The following RANBP17 variants were observed in gnomAD, a reference collection of about 807,000 sequenced individuals.
RANBP17 encodes the protein ran-binding protein 17.
In RANBP17, 158 loss-of-function variants were observed where a neutral mutation model predicts 141.2. The observed-to-expected ratio is 1.12, with a 90% CI of 0.98 to 1.28. The LOEUF is 1.28. RANBP17 is among the 50% of genes most tolerant of loss of function. The pLI is 0.00. For missense variants in RANBP17, 1,438 were observed against 1,290.7 expected (o/e 1.11, Z -1.75); for synonymous variants, 430 against 450.0 (o/e 0.96, Z 0.56).
intron 14 of RANBP17, among the ~76,000 whole-genome samples, chr5:171,083,789 C>G (rs1243908387): frequency 6.6e-6 from 1 of 152,004 alleles, no homozygotes; most frequent in Non-Finnish European, 1.5e-5. Context: ...AGTCTCACAA[C>G]ATCTGATGAT....
At chr5:171,056,485 A>G (rs777538058) in intron 14 of RANBP17, among the ~76,000 whole-genome samples, 17 of 152,222 alleles carry the variant, frequency 1.1e-4, no homozygotes, top group Non-Finnish European at 1.6e-4. Context: ...TACTGATAAC[A>G]TGCACTAAAT....
At chr5:171,196,355 T>C (rs2127948829) in intron 18 of RANBP17, among the ~76,000 whole-genome samples, 1 of 152,354 alleles carries the variant, frequency 6.6e-6, no homozygotes, top group East Asian at 1.9e-4. Context: ...TTGTTTGCCT[T>C]AAAATTTGAA....
chr5:170,889,920 G>A (rs1769459855), intron 3 of RANBP17, among the ~76,000 whole-genome samples: 1 of 152,138 alleles, frequency 6.6e-6, no homozygotes, highest in East Asian at 1.9e-4. Flanking sequence ...TATAGTTTGT[G>A]TAAAAAGCAT....
chr5:171,040,520 C>T (rs539342464), intron 14 of RANBP17, among the ~76,000 whole-genome samples: 1 of 152,046 alleles, frequency 6.6e-6, no homozygotes, highest in African/African-American at 2.4e-5. Flanking sequence ...AAGTCTTGTT[C>T]GTTTATTTAT....
At chr5:171,041,946 A>G (rs1782278070) in intron 14 of RANBP17, among the ~76,000 whole-genome samples, 1 of 151,748 alleles carries the variant, frequency 6.6e-6, no homozygotes, top group South Asian at 2.1e-4. Context: ...CCCTGTGTCC[A>G]TGTGTTCTCA....
chr5:171,151,992 CAAGAATGTG>C (rs1212658710), intron 14 of RANBP17, among the ~76,000 whole-genome samples: 5 of 151,942 alleles, frequency 3.3e-5, no homozygotes, highest in Admixed American at 3.3e-4. Context: ...AGTTTCAATT[CAAGAATGTG>C]AAGAATAGAA....
Position 170,960,081 on chromosome 5 carries a change from T to G in RANBP17, c.1574+6379T>G, listed in dbSNP as rs375437312. The stretch of plus-strand genomic sequence containing the variant: ...CTTTATTTTTCTTGATAGTACTTAT[T>G]ACCTCTTGATGTTGTTTGTTCTACT... On this transcript the variant is annotated intron_variant, in intron 13 of 27. Transcript: ENST00000523189. Among the ~76,000 whole-genome samples the G allele has an allele frequency of 4.1e-4, 62 of 152,372 alleles. 1 individual carries two copies. In the South Asian group the frequency reaches 0.012, roughly 31 times the overall value.
chr5:171,233,038 TTAAC>T (rs1417041171), intron 22 of RANBP17, among the ~76,000 whole-genome samples: 3 of 152,026 alleles, frequency 2.0e-5, no homozygotes, highest in Non-Finnish European at 4.4e-5. Context: ...AAAAAAGAAA[TTAAC>T]TAGTAATTAG....
rs900056357 is a variant in RANBP17 at position 171,050,565 on chromosome 5, G to A, written c.1710+82188G>A. 5.3e-5 allele frequency among the ~76,000 whole-genome samples: 8 copies of A among 152,100 alleles called. No individual in the cohort carries two copies. The South Asian group carries it at 1.7e-3, about 32-fold the overall frequency. ...CTACAAAAAATTCAAAAATTAGCTAGGCATTGTGACGTGTGCCTGTGGTCC... is the reference window on the plus strand; with the variant it reads ...CTACAAAAAATTCAAAAATTAGCTAAGCATTGTGACGTGTGCCTGTGGTCC... On this transcript the variant is annotated intron_variant, in intron 14 of 27. Coordinates refer to ENST00000523189, the MANE Select transcript of RANBP17 (RefSeq NM_022897.5).
chr5:171,081,109 C>T (rs910903316), intron 14 of RANBP17, among the ~76,000 whole-genome samples: 3 of 152,088 alleles, frequency 2.0e-5, no homozygotes, highest in Non-Finnish European at 4.4e-5. Flanking sequence ...TACTTAAAAC[C>T]CTAGTCCATC....
At chr5:170,914,118 G>C in intron 7 of RANBP17, 49 bp from the exon 8 acceptor site, 1 of 1,222,574 alleles carries the variant, frequency 8.2e-7, no homozygotes, top group Non-Finnish European at 1.2e-6. Context: ...ACTTTGTTAA[G>C]ATCACTGAAT....
At chr5:171,289,227 C>A (rs1422607181) in intron 25 of RANBP17, among the ~76,000 whole-genome samples, 2 of 152,200 alleles carry the variant, frequency 1.3e-5, no homozygotes, top group African/African-American at 4.8e-5. Flanking sequence ...TTGCAATCAT[C>A]ACCCTGTACT....
At chr5:171,275,408 TAC>T (rs1189893239) in intron 25 of RANBP17, among the ~76,000 whole-genome samples, 5 of 152,232 alleles carry the variant, frequency 3.3e-5, no homozygotes, top group Non-Finnish European at 5.9e-5. Flanking sequence ...CTGGAAATGG[TAC>T]AGTGTGCTTC....
chr5:171,059,170 A>C (rs565856827), intron 14 of RANBP17, among the ~76,000 whole-genome samples: 2 of 152,208 alleles, frequency 1.3e-5, no homozygotes, highest in African/African-American at 4.8e-5. Flanking sequence ...TAGTTTAATT[A>C]GATCCCATTT....
intron 22 of RANBP17, among the ~76,000 whole-genome samples, chr5:171,233,319 G>T (rs1056714436): frequency 6.6e-6 from 1 of 152,184 alleles, no homozygotes; most frequent in South Asian, 2.1e-4. Flanking sequence ...GCAGAATGGC[G>T]CAGCCACTTT....
intron 14 of RANBP17, among the ~76,000 whole-genome samples, chr5:171,161,034 C>T (rs988148712): frequency 1.3e-5 from 2 of 152,170 alleles, no homozygotes; most frequent in Admixed American, 6.5e-5. Flanking sequence ...TCAGGTGATC[C>T]ACCCATCTCG....
intron 18 of RANBP17, among the ~76,000 whole-genome samples, chr5:171,187,068 T>A (rs1387608992): frequency 6.6e-6 from 1 of 152,142 alleles, no homozygotes. Context: ...TCCTTTCACG[T>A]GAATACTTGG....
intron 14 of RANBP17, among the ~76,000 whole-genome samples, chr5:171,145,264 C>G (rs945035886): frequency 3.9e-5 from 6 of 152,094 alleles, no homozygotes; most frequent in Admixed American, 3.9e-4. Context: ...GGCCATTTTT[C>G]TTGACATTAT....
intron 14 of RANBP17, among the ~76,000 whole-genome samples, chr5:170,996,009 C>T (rs57774564): frequency 0.026 from 3,937 of 151,890 alleles, 155 homozygotes; most frequent in African/African-American, 0.089. Flanking sequence ...TGCACTTCAG[C>T]CTGGCAACAT....
Sources: allele counts gnomAD v4.1 joint callset (sites outside exome capture counted in the v4.1 genomes callset), GRCh38; gene constraint gnomAD v4.1.1; transcripts MANE v1.5; gene names NCBI Gene and HGNC (gene_info 2026-07-23, HGNC 2026-07-21).